Variants in PCSK2 observed in about 807,000 individuals in gnomAD.
PCSK2 encodes the protein proprotein convertase subtilisin/kexin type 2.
A neutral mutation model predicts 69.7 loss-of-function variants in PCSK2; 14 were observed. That is an observed-to-expected ratio of 0.20 (90% CI 0.13 to 0.31). The LOEUF (loss-of-function observed/expected upper bound fraction) is 0.31. PCSK2 is among the 10% of genes least tolerant of loss of function. The pLI, the probability that PCSK2 is intolerant of heterozygous loss-of-function variation, is 1.00. For missense variants in PCSK2, 544 were observed against 842.5 expected (o/e 0.65, Z 4.39); for synonymous variants, 307 against 320.7 (o/e 0.96, Z 0.46).
chr20:17,301,924 C>G (rs989084037), intron 2 of PCSK2, among the ~76,000 whole-genome samples: 4 of 151,882 alleles, frequency 2.6e-5, no homozygotes, highest in Admixed American at 2.0e-4. Context: ...AGCAAGACTC[C>G]ATCTCAAATA....
intron 11 of PCSK2, among the ~76,000 whole-genome samples, chr20:17,467,216 C>T (rs1488528947): frequency 6.6e-6 from 1 of 152,180 alleles, no homozygotes; most frequent in Non-Finnish European, 1.5e-5. Context: ...CATTTCTGAC[C>T]CTCTGCTTTA....
intron 5 of PCSK2, among the ~76,000 whole-genome samples, chr20:17,375,081 A>G (rs1031865442): frequency 1.3e-5 from 2 of 152,166 alleles, no homozygotes; most frequent in Admixed American, 6.5e-5. Flanking sequence ...GGTTTGTTGC[A>G]AGGTATCCTT....
chr20:17,391,191 T>C (rs1022829830), intron 5 of PCSK2, among the ~76,000 whole-genome samples: 6 of 151,802 alleles, frequency 4.0e-5, no homozygotes, highest in Non-Finnish European at 1.5e-5. Flanking sequence ...TCTGAAAAGA[T>C]TGAATCAATG....
chr20:17,283,711 G>A (rs1300449134), intron 2 of PCSK2, among the ~76,000 whole-genome samples: 2 of 152,272 alleles, frequency 1.3e-5, no homozygotes, highest in Admixed American at 6.5e-5. Context: ...TTCCTGCACC[G>A]AAGAACTAAG....
intron 2 of PCSK2, among the ~76,000 whole-genome samples, chr20:17,307,785 G>A (rs1046653009): frequency 2.0e-5 from 3 of 152,076 alleles, no homozygotes; most frequent in African/African-American, 7.2e-5. Flanking sequence ...TAAATACTCT[G>A]CAGAGTATTA....
At chr20:17,354,442 C>T (rs1038764872) in intron 2 of PCSK2, among the ~76,000 whole-genome samples, 1 of 152,080 alleles carries the variant, frequency 6.6e-6, no homozygotes, top group Non-Finnish European at 1.5e-5. Flanking sequence ...AGTCAGTGAC[C>T]TTTTAGTAAT....
At chr20:17,282,765 A>G (rs1988367151) in intron 2 of PCSK2, among the ~76,000 whole-genome samples, 2 of 152,146 alleles carry the variant, frequency 1.3e-5, no homozygotes, top group Non-Finnish European at 2.9e-5. Flanking sequence ...AAAAAAAAGA[A>G]AGGGTTATGC....
At chr20:17,301,132 A>T (rs1989066371) in intron 2 of PCSK2, among the ~76,000 whole-genome samples, 1 of 152,252 alleles carries the variant, frequency 6.6e-6, no homozygotes, top group Non-Finnish European at 1.5e-5. Context: ...GCAGACCATC[A>T]TCTACAGGAT....
intron 10 of PCSK2, among the ~76,000 whole-genome samples, chr20:17,460,314 G>A (rs2032994469): frequency 6.6e-6 from 1 of 152,178 alleles, no homozygotes; most frequent in Non-Finnish European, 1.5e-5. Flanking sequence ...AGCTGAGTCA[G>A]CCATGTTGAA....
chr20:17,313,421 A>G (rs1347545857), intron 2 of PCSK2, among the ~76,000 whole-genome samples: 1 of 152,068 alleles, frequency 6.6e-6, no homozygotes, highest in East Asian at 1.9e-4. Flanking sequence ...TCACCAGAAG[A>G]GACCCCCAAG....
In PCSK2 at chr20:17,227,320, T is replaced by C. The variant is rs1222898423; in HGVS notation, c.15T>C (p.Cys5=). 1.2e-6 allele frequency: 2 copies of C among 1,613,840 alleles called. No individual in the cohort carries two copies. Among genetic ancestry groups the C allele is most frequent in the South Asian group, 1.1e-5 (1 of 91,066 alleles). Residue 5 remains cysteine, a synonymous_variant, in exon 1 of 12, where the codon TGT becomes TGC. Transcript: ENST00000262545. MKGG[C]VSQWKAAAGF... ...CCCAAAGAAGGATGAAGGGTGGTTG[T>C]GTCTCCCAGTGGAAGGCGGCCGCCG...
At chr20:17,439,791 A>C (rs2032559381) in intron 8 of PCSK2, among the ~76,000 whole-genome samples, 1 of 152,212 alleles carries the variant, frequency 6.6e-6, no homozygotes, top group African/African-American at 2.4e-5. Context: ...GTGGGTGGCC[A>C]ACTTTGGTAC....
intron 2 of PCSK2, among the ~76,000 whole-genome samples, chr20:17,320,592 T>C (rs1989834022): frequency 1.3e-5 from 2 of 152,204 alleles, no homozygotes; most frequent in South Asian, 4.1e-4. Flanking sequence ...GACTCAGGCT[T>C]GCTGAGCACC....
intron 2 of PCSK2, among the ~76,000 whole-genome samples, chr20:17,307,369 A>AGAGAGTTT (rs1989357985): frequency 6.6e-6 from 1 of 152,232 alleles, no homozygotes. Flanking sequence ...GAGGGATGAA[A>AGAGAGTTT]GAGAGTTTGT....
intron 2 of PCSK2, among the ~76,000 whole-genome samples, chr20:17,260,691 T>G (rs1365625037): frequency 6.6e-6 from 1 of 152,048 alleles, no homozygotes; most frequent in East Asian, 1.9e-4. Context: ...AATGAGTCAT[T>G]TTACGGAAGG....
intron 2 of PCSK2, among the ~76,000 whole-genome samples, chr20:17,323,562 G>A (rs1179965823): frequency 6.6e-6 from 1 of 152,196 alleles, no homozygotes; most frequent in Non-Finnish European, 1.5e-5. Flanking sequence ...TGGAGCCAGG[G>A]TTCTAACTTC....
chr20:17,375,360 C>T (rs2030893019), intron 5 of PCSK2, among the ~76,000 whole-genome samples: 1 of 152,098 alleles, frequency 6.6e-6, no homozygotes, highest in South Asian at 2.1e-4. Context: ...AGGATACCAA[C>T]ATAAATCTCA....
In PCSK2 at chr20:17,461,323, C is replaced by T. The variant is rs1600598530; in HGVS notation, c.1203-4003C>T. On this transcript the variant is annotated intron_variant, in intron 10 of 11. Transcript: ENST00000262545. ...TTTCTCAGACTGGAAATAATCCAAC[C>T]TTTGAAATTATTTTTTAATCCTATC... Among the ~76,000 whole-genome samples the T allele has an allele frequency of 2.6e-5, 4 of 152,198 alleles. No homozygotes were observed. The South Asian group carries it at 8.3e-4, about 32-fold the overall frequency.
intron 2 of PCSK2, among the ~76,000 whole-genome samples, chr20:17,276,949 G>A (rs984085863): frequency 2.6e-5 from 4 of 152,128 alleles, no homozygotes; most frequent in African/African-American, 9.7e-5. Context: ...GCCAAATCAT[G>A]AGTGAACTCC....
Sources: allele counts gnomAD v4.1 joint callset (sites outside exome capture counted in the v4.1 genomes callset), GRCh38; gene constraint gnomAD v4.1.1; transcripts MANE v1.5; gene names NCBI Gene and HGNC (gene_info 2026-07-23, HGNC 2026-07-21).